Variants in XYLT1 observed in about 807,000 individuals in gnomAD.
XYLT1 encodes the protein xylosyltransferase 1.
A neutral mutation model predicts 91.3 loss-of-function variants in XYLT1; 36 were observed. The observed-to-expected ratio is 0.39, with a 90% CI of 0.30 to 0.52. The LOEUF (loss-of-function observed/expected upper bound fraction) is 0.52, where lower values mean the gene tolerates loss of function less well. Ranked by LOEUF, XYLT1 falls within the 20% of genes least tolerant of loss-of-function variation. The pLI is 0.68. For missense variants in XYLT1, 1,242 were observed against 1,284.5 expected (o/e 0.97, Z 0.51); for synonymous variants, 588 against 532.0 (o/e 1.11, Z -1.45).
chr16:17,438,569 C>A (rs990631846), intron 1 of XYLT1, among the ~76,000 whole-genome samples: 1 of 152,140 alleles, frequency 6.6e-6, no homozygotes, highest in Non-Finnish European at 1.5e-5. Context: ...TGTATCAGTT[C>A]ATTCCCGCAT....
chr16:17,429,932 ATTTT>A (rs34434695), intron 1 of XYLT1, among the ~76,000 whole-genome samples: 2 of 119,308 alleles, frequency 1.7e-5, no homozygotes, highest in Non-Finnish European at 1.7e-5. Context: ...TCCCATAATA[ATTTT>A]TTTTTTTTTT....
chr16:17,196,259 G>T (rs1011142957), intron 5 of XYLT1, among the ~76,000 whole-genome samples: 4 of 152,174 alleles, frequency 2.6e-5, no homozygotes, highest in Admixed American at 6.5e-5. Flanking sequence ...TTCCATGCTT[G>T]TACCTTGTTT....
At chr16:17,384,559 C>T (rs891172919) in intron 1 of XYLT1, among the ~76,000 whole-genome samples, 1 of 151,844 alleles carries the variant, frequency 6.6e-6, no homozygotes, top group African/African-American at 2.4e-5. Flanking sequence ...TAGATTTGGC[C>T]TCACTGGGTT....
At chr16:17,439,220 A>T (rs1307244105) in intron 1 of XYLT1, among the ~76,000 whole-genome samples, 1 of 152,210 alleles carries the variant, frequency 6.6e-6, no homozygotes, top group Non-Finnish European at 1.5e-5. Context: ...TCCATGGTGG[A>T]CATGGCTAGT....
chr16:17,340,991 T>C (rs2035056893), intron 2 of XYLT1, among the ~76,000 whole-genome samples: 1 of 152,194 alleles, frequency 6.6e-6, no homozygotes, highest in South Asian at 2.1e-4. Context: ...TTGTCGAAGA[T>C]TATAAAGATG....
intron 10 of XYLT1, among the ~76,000 whole-genome samples, chr16:17,123,745 T>C (rs1156573584): frequency 6.6e-6 from 1 of 152,218 alleles, no homozygotes; most frequent in African/African-American, 2.4e-5. Flanking sequence ...TCTGTCTTGA[T>C]GAACTGTGCC....
chr16:17,413,110 C>T (rs1220445857), intron 1 of XYLT1, among the ~76,000 whole-genome samples: 1 of 152,218 alleles, frequency 6.6e-6, no homozygotes, highest in African/African-American at 2.4e-5. Context: ...CAGGCTGGTG[C>T]CTGACACGCA....
At chr16:17,370,030 G>C (rs940666864) in intron 1 of XYLT1, among the ~76,000 whole-genome samples, 1 of 152,134 alleles carries the variant, frequency 6.6e-6, no homozygotes, top group Non-Finnish European at 1.5e-5. Context: ...AACATCCTGC[G>C]AGACCCTTAC....
intron 5 of XYLT1, among the ~76,000 whole-genome samples, chr16:17,185,784 T>G (rs1456770357): frequency 6.6e-6 from 1 of 152,038 alleles, no homozygotes; most frequent in East Asian, 1.9e-4. Context: ...GCAGATCACT[T>G]GAGGTCATGA....
Position 17,173,134 on chromosome 16 carries a change from A to G in XYLT1, c.1290-14225T>C, listed in dbSNP as rs142657562. 2.8e-3 allele frequency among the ~76,000 whole-genome samples: 431 copies of G among 152,322 alleles called. 1 individual carries two copies. Among genetic ancestry groups the G allele is most frequent in the African/African-American group, 9.9e-3 (412 of 41,566 alleles). ...GCCGGGAAGATGCTGACACAAGTTC[A>G]TTGCTCGCTGATGAATTATTTTCAG... On this transcript the variant is annotated intron_variant, in intron 5 of 11. Transcript: ENST00000261381.
At chr16:17,362,434 T>G (rs1348733839) in intron 1 of XYLT1, among the ~76,000 whole-genome samples, 1 of 152,184 alleles carries the variant, frequency 6.6e-6, no homozygotes, top group East Asian at 1.9e-4. Context: ...GCAGGCACCA[T>G]GAGGGAGACA....
chr16:17,115,832 T>TC (rs1471305071), intron 11 of XYLT1, among the ~76,000 whole-genome samples: 1 of 103,222 alleles, frequency 9.7e-6, no homozygotes, highest in East Asian at 3.8e-4. Context: ...AAAAGACTTT[T>TC]CCTTGCACTA....
chr16:17,314,669 C>G (rs1036836282), intron 2 of XYLT1, among the ~76,000 whole-genome samples: 11 of 152,086 alleles, frequency 7.2e-5, no homozygotes, highest in African/African-American at 2.7e-4. Flanking sequence ...ACAAGAAAAC[C>G]ACTACACTAG....
chr16:17,181,716 T>A (rs7199664), intron 5 of XYLT1, among the ~76,000 whole-genome samples: 16,106 of 152,128 alleles, frequency 0.11, 983 homozygotes, highest in African/African-American at 0.15. Context: ...GGGCTAGATA[T>A]CTGTTCTGTG....
Position 17,141,362 on chromosome 16 carries a change from G to A in XYLT1, c.1378C>T (p.Arg460Trp), listed in dbSNP as rs2030969979. Residue 460 changes from arginine (R) to tryptophan (W), a missense_variant, in exon 7 of 12, where the codon CGG becomes TGG. By Grantham distance (101) the Arg-to-Trp change is moderately radical. Transcript: ENST00000261381. ...AAGAGCCGATCCAGGCCCTGCTTCC[G>A]AATGAACCTGGGAGGGAGAAAGCTG... ...SHGRDNARFI[R>W]KQGLDRLFLE... 13 of 1,613,898 alleles carry A rather than the reference G, an allele frequency of 8.1e-6. No individual in the cohort carries two copies. The highest frequency in any genetic ancestry group is 1.1e-5 in the Non-Finnish European group (13 of 1,179,856).
chr16:17,449,206 C>G (rs1250497444), intron 1 of XYLT1, among the ~76,000 whole-genome samples: 1 of 152,242 alleles, frequency 6.6e-6, no homozygotes, highest in African/African-American at 2.4e-5. Flanking sequence ...TCCTGCTGCC[C>G]CAGGCCAGCT....
chr16:17,115,548 G>A (rs931666605), intron 11 of XYLT1, among the ~76,000 whole-genome samples: 8 of 150,554 alleles, frequency 5.3e-5, no homozygotes, highest in East Asian at 3.9e-4. Context: ...GCATGATTTC[G>A]GTTCACTGCA....
chr16:17,299,457 T>C (rs563227964), intron 2 of XYLT1, among the ~76,000 whole-genome samples: 2 of 152,312 alleles, frequency 1.3e-5, no homozygotes, highest in Middle Eastern at 3.4e-3. Context: ...GAACAAACTA[T>C]TGCCAAACAC....
intron 9 of XYLT1, among the ~76,000 whole-genome samples, chr16:17,133,138 G>A (rs148899454): frequency 7.0e-4 from 106 of 152,202 alleles, no homozygotes; most frequent in Middle Eastern, 3.4e-3. Context: ...GAAACTTTAC[G>A]GAGAGAGAAG....
Sources: gnomAD v4.1 joint callset for allele counts (sites outside exome capture counted in the v4.1 genomes callset) on GRCh38, gnomAD v4.1.1 for gene constraint, MANE v1.5 for transcripts, NCBI Gene and HGNC (gene_info 2026-07-23, HGNC 2026-07-21) for gene names.